SLC5A10: variants seen among roughly 807,000 people sequenced by gnomAD.
SLC5A10 encodes sodium/mannose cotransporter SLC5A10.
Under a neutral mutation model 68.9 loss-of-function variants are expected in SLC5A10, and 55 were observed. The observed-to-expected ratio is 0.80, with a 90% confidence interval of 0.64 to 1.00. SLC5A10 has a LOEUF of 1.00. Ranked by LOEUF, SLC5A10 falls within the 50% of genes least tolerant of loss-of-function variation. The pLI is 0.00. For synonymous variants in SLC5A10, 344 were observed against 344.8 expected (o/e 1.00, Z 0.02); for missense variants, 732 against 819.3 (o/e 0.89, Z 1.30).
rs1227273590 is a variant in SLC5A10, at chr17:18,959,105, T to C, written c.184-30T>C. 1.9e-6 allele frequency: 3 copies of C among 1,596,706 alleles called. No homozygotes were observed. In the East Asian group the frequency reaches 6.7e-5, roughly 36 times the overall value. On this transcript the variant is annotated intron_variant, in intron 2 of 14. Coordinates refer to ENST00000395645, the MANE Select transcript of SLC5A10 (RefSeq NM_001042450.4). ...GATGGGGCCGGCGCAGGGAGCCTGC[T>C]GCTGATGCGTTTCCCTTTCTCTCCT...
In SLC5A10 at chr17:18,952,279, C is replaced by T; in HGVS notation, c.74C>T (p.Thr25Ile). Residue 25 changes from threonine (T) to isoleucine (I), a missense_variant, in exon 1 of 15, where the codon ACT (threonine) becomes ATT (isoleucine). Physicochemically the swap from Thr to Ile is moderately conservative, Grantham distance 89 (BLOSUM62 -1). Coordinates refer to ENST00000395645, the MANE Select transcript of SLC5A10 (RefSeq NM_001042450.4). ...AGCGTGGCTGACATCATCGTCATCA[C>T]TGTGTATTTTGCTCTGAATGTGGCC... is the stretch of plus-strand genomic sequence containing the variant. ...QLSVADIIVI[T>I]VYFALNVAVG... is the part of the protein sequence containing the mutation. 1 of 1,613,910 alleles carries T rather than the reference C, an allele frequency of 6.2e-7. No individual in the cohort carries two copies.
At chr17:18,962,595 T>A (rs1597819912) in intron 5 of SLC5A10, among the ~76,000 whole-genome samples, 1 of 150,992 alleles carries the variant, frequency 6.6e-6, no homozygotes, top group Admixed American at 6.6e-5. Flanking sequence ...GCAAGGGAGG[T>A]CTGATTGTAA....
intron 1 of SLC5A10, among the ~76,000 whole-genome samples, chr17:18,954,703 T>G (rs2042454738): frequency 6.6e-6 from 1 of 152,212 alleles, no homozygotes; most frequent in Non-Finnish European, 1.5e-5. Context: ...GAGGGGACTT[T>G]GAGCTGAGCC....
Position 18,959,172 on chromosome 17 carries a change from G to T in SLC5A10, c.221G>T (p.Gly74Val). The T allele has an allele frequency of 2.5e-6, 4 of 1,613,868 alleles. No homozygotes were observed. The highest frequency in any genetic ancestry group is 3.4e-6 in the Non-Finnish European group (4 of 1,179,932). ...CTCTTCGCCAGCAGCGAGGGCTCTG[G>T]CCTCTTCATTGGACTGGCGGGCTCA... is the stretch of plus-strand genomic sequence containing the variant. ...ASLFASSEGSGLFIGLAGSGA... is the reference protein window; with the variant it reads ...ASLFASSEGSVLFIGLAGSGA... The change falls in exon 3 of 15, where the codon GGC becomes GTC. Residue 74 changes from glycine (G) to valine (V), a missense_variant. By Grantham distance (109) the Gly-to-Val change is moderately radical (BLOSUM62 -3). Transcript: ENST00000395645.
chr17:18,985,167 C>T (rs977514349), intron 9 of SLC5A10, among the ~76,000 whole-genome samples: 9 of 152,334 alleles, frequency 5.9e-5, no homozygotes, highest in African/African-American at 2.2e-4. Flanking sequence ...TGTGCCTGTC[C>T]CTAGCCAAAG....
At position 19,017,738 on chromosome 17, in the gene SLC5A10, G is replaced by A. The variant is rs577648604; in HGVS notation, c.1242-1685G>A. ...CTCCTGGAAACCCTGTGCAGGACTC[G>A]GAGAGATCTCAGACACCCCTCCTTG... On this transcript the variant is annotated intron_variant, in intron 11 of 14. Coordinates refer to ENST00000395645, the MANE Select transcript of SLC5A10 (RefSeq NM_001042450.4). This position sits in a 1 kb window ranked among gnomAD's most constrained non-coding sequence, Gnocchi z 5.6. The A allele has an allele frequency of 7.3e-5, 18 of 244,944 alleles. No individual in the cohort carries two copies. Among genetic ancestry groups the A allele is most frequent in the South Asian group, 5.3e-4 (9 of 16,868 alleles). The allele number at this position is 244,944 out of a possible 1,614,324, so 15.2% of individuals were successfully genotyped here.
At chr17:19,010,660 A>G (rs528351423) in intron 9 of SLC5A10, among the ~76,000 whole-genome samples, 9,776 of 143,088 alleles carry the variant, frequency 0.068, 1,033 homozygotes, top group African/African-American at 0.23. Context: ...TCTGAAACAT[A>G]TATGGCTGCA....
chr17:18,979,420 C>T, intron 9 of SLC5A10: 2 of 1,143,590 alleles, frequency 1.7e-6, no homozygotes, highest in Non-Finnish European at 2.4e-6. Flanking sequence ...AGATGTGCTC[C>T]AGCCCTGCGC....
At chr17:18,969,315 C>T in intron 6 of SLC5A10, 27 bp from the exon 7 acceptor site, 1 of 1,610,932 alleles carries the variant, frequency 6.2e-7, no homozygotes, top group Non-Finnish European at 8.5e-7. Context: ...CCAGGGCCCC[C>T]TCCAGCAACC....
chr17:18,959,573 C>A, intron 3 of SLC5A10, 31 bp from the exon 4 acceptor site: 1 of 1,610,902 alleles, frequency 6.2e-7, no homozygotes, highest in Non-Finnish European at 8.5e-7. Context: ...GGAGCTGCAC[C>A]TGCAGTCCTC....
At chr17:18,992,139 C>A (rs1035819862) in intron 9 of SLC5A10, among the ~76,000 whole-genome samples, 1 of 152,176 alleles carries the variant, frequency 6.6e-6, no homozygotes, top group Non-Finnish European at 1.5e-5. Context: ...TATGCACAAG[C>A]CCTCCAGCGC....
upstream of SLC5A10, chr17:18,950,747 C>G: frequency 1.0e-6 from 1 of 961,162 alleles, no homozygotes; most frequent in Non-Finnish European, 1.2e-6. Context: ...ATGGAGTCTC[C>G]CTCTGTTGCC....
chr17:18,977,263 G>T, intron 9 of SLC5A10: 2 of 587,036 alleles, frequency 3.4e-6, no homozygotes, highest in East Asian at 2.9e-5. Flanking sequence ...CTGCAAACTA[G>T]GGACTGTGCC....
chr17:18,991,264 C>T (rs899962907), intron 9 of SLC5A10, among the ~76,000 whole-genome samples: 6 of 152,172 alleles, frequency 3.9e-5, no homozygotes, highest in Non-Finnish European at 8.8e-5. Context: ...CAACTGAGAA[C>T]AAGACCAACT....
In SLC5A10 at chr17:19,019,698, C is replaced by T; in HGVS notation, c.1411-15C>T. Reference sequence around the variant, plus strand: ...CCTCCCGTAGCCCCACATGCCCTGCCTCCCTCCTCCCCAGGGGGCCTTCTG... The same window carrying T: ...CCTCCCGTAGCCCCACATGCCCTGCTTCCCTCCTCCCCAGGGGGCCTTCTG... On this transcript the variant is annotated splice_polypyrimidine_tract_variant and intron_variant, in intron 12 of 14. Transcript: ENST00000395645. The T allele has an allele frequency of 1.2e-6, 2 of 1,606,694 alleles. No individual in the cohort carries two copies. Among genetic ancestry groups the T allele is most frequent in the Non-Finnish European group, 1.7e-6 (2 of 1,178,740 alleles).
chr17:19,008,760 A>T (rs1313800798), intron 9 of SLC5A10, among the ~76,000 whole-genome samples: 1 of 151,684 alleles, frequency 6.6e-6, no homozygotes, highest in Non-Finnish European at 1.5e-5. Flanking sequence ...CAGCCTCCCA[A>T]AGTGCTGGGA....
chr17:19,005,509 C>T (rs568612853), intron 9 of SLC5A10, among the ~76,000 whole-genome samples: 5 of 152,318 alleles, frequency 3.3e-5, no homozygotes, highest in East Asian at 1.9e-4. Context: ...TCGCGTGCCG[C>T]AGCCAGTCTG....
chr17:18,982,339 C>T (rs890678000), intron 9 of SLC5A10, among the ~76,000 whole-genome samples: 2 of 152,204 alleles, frequency 1.3e-5, no homozygotes, highest in African/African-American at 4.8e-5. Flanking sequence ...CCTGGATGGG[C>T]CCCACCCCAC....
chr17:18,962,594 G>T (rs2042632236), intron 5 of SLC5A10, among the ~76,000 whole-genome samples: 1 of 152,308 alleles, frequency 6.6e-6, no homozygotes, highest in South Asian at 2.1e-4. Flanking sequence ...GGCAAGGGAG[G>T]TCTGATTGTA....
Sources: gnomAD v4.1 joint callset for allele counts (sites outside exome capture counted in the v4.1 genomes callset) on GRCh38, gnomAD v4.1.1 for gene constraint, Gnocchi (gnomAD v3.1) non-coding constraint, MANE v1.5 for transcripts, NCBI Gene and HGNC (gene_info 2026-07-23, HGNC 2026-07-21) for gene names.